HNF4G: variants seen among roughly 807,000 people sequenced by gnomAD.
The protein encoded by HNF4G is hepatocyte nuclear factor 4 gamma.
A neutral mutation model predicts 50.9 loss-of-function variants in HNF4G; 21 were observed. The observed-to-expected ratio is 0.41, with a 90% confidence interval of 0.29 to 0.59. The LOEUF is 0.59. Ranked by LOEUF, HNF4G falls within the 20% of genes least tolerant of loss-of-function variation. The pLI is 0.26. For synonymous variants in HNF4G, 198 were observed against 185.6 expected (o/e 1.07, Z -0.54); for missense variants, 527 against 559.4 (o/e 0.94, Z 0.58).
chr8:75,563,882 A>G, intron 9 of HNF4G, 93 bp from the exon 10 acceptor site: 1 of 1,373,026 alleles, frequency 7.3e-7, no homozygotes, highest in Non-Finnish European at 1.0e-6. Flanking sequence ...ACATTTCCAA[A>G]TTACGCTAAT....
chr8:75,499,009 T>G lies in HNF4G; in HGVS notation c.-24+8801T>G, dbSNP rs552514884. The stretch of plus-strand genomic sequence containing the variant: ...GTTTTTGCTACTTCTATTTAGCATT[T>G]TACTGGAAGTTCAAACCAGGGCAAC... On this transcript the variant is annotated intron_variant, in intron 2 of 10. Coordinates refer to the HNF4G transcript ENST00000354370. 3.4e-3 allele frequency among the ~76,000 whole-genome samples: 516 copies of G among 152,104 alleles called. 7 individuals carry two copies. The highest frequency in any genetic ancestry group is 3.8e-3 in the Non-Finnish European group (260 of 67,898).
At chr8:75,526,776 T>G (rs993567158) in intron 2 of HNF4G, among the ~76,000 whole-genome samples, 3 of 151,678 alleles carry the variant, frequency 2.0e-5, no homozygotes, top group African/African-American at 7.3e-5. Context: ...ATTCTTTTTT[T>G]TTTTCTTTGA....
At chr8:75,476,679 C>T (rs535200905) in intron 1 of HNF4G, among the ~76,000 whole-genome samples, 1 of 152,172 alleles carries the variant, frequency 6.6e-6, no homozygotes, top group Non-Finnish European at 1.5e-5. Flanking sequence ...AGTTGAGATG[C>T]TAGAAATTCC....
At chr8:75,544,599 T>G in intron 2 of HNF4G, among the ~76,000 whole-genome samples, 1 of 151,966 alleles carries the variant, frequency 6.6e-6, no homozygotes, top group Non-Finnish European at 1.5e-5. Context: ...GTCAGAAGCT[T>G]ATTTAACTAT....
At chr8:75,532,765 C>T (rs1165247431) in intron 2 of HNF4G, among the ~76,000 whole-genome samples, 1 of 152,018 alleles carries the variant, frequency 6.6e-6, no homozygotes, top group Non-Finnish European at 1.5e-5. Context: ...CATGACTAAA[C>T]TACAGTGTAA....
chr8:75,522,008 C>A (rs777023347), intron 2 of HNF4G, among the ~76,000 whole-genome samples: 1 of 152,154 alleles, frequency 6.6e-6, no homozygotes, highest in South Asian at 2.1e-4. Context: ...TTTATACTTA[C>A]GATGTTTTCA....
chr8:75,526,064 T>A (rs1806169349), intron 2 of HNF4G, among the ~76,000 whole-genome samples: 1 of 152,156 alleles, frequency 6.6e-6, no homozygotes. Context: ...CCGATCTTCA[T>A]TATTTGCAGA....
At chr8:75,534,855 A>G (rs1252946360) in intron 2 of HNF4G, among the ~76,000 whole-genome samples, 1 of 151,838 alleles carries the variant, frequency 6.6e-6, no homozygotes, top group African/African-American at 2.4e-5. Context: ...AACTGTAAGC[A>G]AAGCTGTATT....
chr8:75,541,719 T>C (rs1009609802), intron 1 of HNF4G, among the ~76,000 whole-genome samples: 6 of 152,164 alleles, frequency 3.9e-5, no homozygotes, highest in African/African-American at 1.4e-4. Flanking sequence ...TTTGAATGCA[T>C]ATAGATTTTT....
chr8:75,469,231 G>T (rs902225863), intron 1 of HNF4G, among the ~76,000 whole-genome samples: 4 of 152,218 alleles, frequency 2.6e-5, no homozygotes, highest in African/African-American at 9.6e-5. Flanking sequence ...ATGTTCATTC[G>T]CATTTCCTTA....
At chr8:75,521,264 G>A (rs758614691) in intron 2 of HNF4G, among the ~76,000 whole-genome samples, 23 of 152,092 alleles carry the variant, frequency 1.5e-4, no homozygotes, top group Non-Finnish European at 2.9e-4. Flanking sequence ...TCAAGTCATC[G>A]AGCCCAAGCT....
At chr8:75,453,495 C>CACCCCCCT (rs1187894504) in intron 1 of HNF4G, among the ~76,000 whole-genome samples, 1 of 139,742 alleles carries the variant, frequency 7.2e-6, no homozygotes, top group South Asian at 2.6e-4. Context: ...AAAAGCTGGC[C>CACCCCCCT]ACCCCCCTGC....
chr8:75,508,351 G>A (rs1182749124), intron 2 of HNF4G, among the ~76,000 whole-genome samples: 2 of 149,788 alleles, frequency 1.3e-5, no homozygotes, highest in Non-Finnish European at 3.0e-5. Context: ...TTGACATGTG[G>A]TTACAAAAGC....
At chr8:75,440,267 G>A (rs35516361) in intron 1 of HNF4G, among the ~76,000 whole-genome samples, 6,653 of 152,146 alleles carry the variant, frequency 0.044, 191 homozygotes, top group Non-Finnish European at 0.062. Context: ...TTCTGTGAGT[G>A]GGTCCATTAT....
chr8:75,545,316 C>G (rs1205660392), intron 2 of HNF4G, among the ~76,000 whole-genome samples: 1 of 150,392 alleles, frequency 6.6e-6, no homozygotes, highest in African/African-American at 2.4e-5. Flanking sequence ...TTGTGAGAAT[C>G]AGAGAATCAC....
chr8:75,555,727 C>T (rs1346096811), intron 5 of HNF4G, among the ~76,000 whole-genome samples: 1 of 147,026 alleles, frequency 6.8e-6, no homozygotes, highest in African/African-American at 2.5e-5. Flanking sequence ...GTTAACTTGT[C>T]TGCTTTTTTT....
At chr8:75,547,022 A>G (rs11996890) in intron 2 of HNF4G, among the ~76,000 whole-genome samples, 1 of 152,088 alleles carries the variant, frequency 6.6e-6, no homozygotes, top group Non-Finnish European at 1.5e-5. Context: ...CCACATCCTC[A>G]CCAACATTTG....
chr8:75,489,842 A>G (rs535590075), intron 1 of HNF4G, among the ~76,000 whole-genome samples: 105 of 152,308 alleles, frequency 6.9e-4, no homozygotes, highest in Admixed American at 1.9e-3. Flanking sequence ...TATTATGTCT[A>G]TCATGACATG....
chr8:75,537,826 A>T (rs1391833994), upstream of HNF4G, among the ~76,000 whole-genome samples: 1 of 151,958 alleles, frequency 6.6e-6, no homozygotes, highest in East Asian at 1.9e-4. Context: ...TTGGTTTTAC[A>T]AACAGTAGCA....
Sources: gnomAD v4.1 joint callset for allele counts (sites outside exome capture counted in the v4.1 genomes callset) on GRCh38, gnomAD v4.1.1 for gene constraint, MANE v1.5 for transcripts, NCBI Gene and HGNC (gene_info 2026-07-23, HGNC 2026-07-21) for gene names.